Variants in USH2A observed in about 807,000 individuals in gnomAD.
USH2A encodes the protein Usher syndrome 2A (autosomal recessive, mild).
USH2A carries 443 observed loss-of-function variants against 538.9 expected under a neutral mutation model. That is an observed-to-expected ratio of 0.82 (90% CI 0.76 to 0.89). USH2A has a LOEUF of 0.89. USH2A is among the 40% of genes least tolerant of loss of function. The probability of loss-of-function intolerance (pLI) is 0.00; values close to 1 mark genes in which losing one functional copy is unlikely to be tolerated. For missense variants in USH2A, 6,633 were observed against 6,324.8 expected, an observed-to-expected ratio of 1.05 and a Z score of -1.65; for synonymous variants, 2,413 against 2,273.5, an observed-to-expected ratio of 1.06 and a Z score of -1.75.
rs753515909 is a variant in USH2A, at chr1:216,422,255, T to C, written c.82A>G (p.Ile28Val). ...AGACCTCGTGACTCAGTCAAGGATA[T>C]TGAAGCAAAATAGGCAAAGATCAAC... The part of the protein sequence containing the change: ...EMLIFAYFAS[I>V]SLTESRGLFP... The change falls in exon 2 of 72, where the codon ATA becomes GTA. Residue 28 changes from isoleucine (I) to valine (V), a missense_variant. Physicochemically the swap from Ile to Val is conservative, Grantham distance 29. Transcript: ENST00000307340. The C allele has an allele frequency of 5.6e-6, 9 of 1,613,532 alleles. No homozygotes were observed. In the Admixed American group the frequency reaches 1.0e-4, roughly 18 times the overall value.
intron 38 of USH2A, among the ~76,000 whole-genome samples, chr1:215,934,199 G>A (rs1228851319): frequency 6.6e-6 from 1 of 152,028 alleles, no homozygotes; most frequent in African/African-American, 2.4e-5. Flanking sequence ...GTATACAATT[G>A]AACTAGTTAT....
intron 55 of USH2A, among the ~76,000 whole-genome samples, chr1:215,771,414 A>G (rs1284992176): frequency 2.0e-5 from 3 of 150,440 alleles, no homozygotes; most frequent in Non-Finnish European, 4.4e-5. Flanking sequence ...CCCCGTCTCT[A>G]CTAAAAATAC....
At chr1:215,654,358 C>T (rs1350369816) in intron 64 of USH2A, among the ~76,000 whole-genome samples, 1 of 151,980 alleles carries the variant, frequency 6.6e-6, no homozygotes, top group Non-Finnish European at 1.5e-5. Context: ...TGTGATGTTC[C>T]CCTCCCTGTG....
intron 61 of USH2A, among the ~76,000 whole-genome samples, chr1:215,709,747 G>A (rs1659285771): frequency 1.3e-5 from 2 of 151,706 alleles, no homozygotes; most frequent in Admixed American, 6.6e-5. Context: ...TCATTGCCCA[G>A]ATGGCTCTTT....
rs2102816580 is a variant in USH2A, at chr1:215,838,027, T to C, written c.9335A>G (p.Asp3112Gly). The change falls in exon 47 of 72, where the codon GAT becomes GGT. Residue 3112 changes from aspartate (D) to glycine (G), a missense_variant. By Grantham distance (94) the Asp-to-Gly change is moderately conservative. Transcript: ENST00000307340. ...GCCACGAATTGTGGGTGTTGGTATA[T>C]CACTTGGAGTGTCTTCCACAGTGGT... Reference protein sequence around the residue: ...QITTVEDTPSDIPTPTIRGIT... With the variant: ...QITTVEDTPSGIPTPTIRGIT... 1 of 1,614,072 alleles carries C rather than the reference T, an allele frequency of 6.2e-7. No individual in the cohort carries two copies. The highest frequency in any genetic ancestry group is 8.5e-7 in the Non-Finnish European group (1 of 1,179,956).
intron 21 of USH2A, among the ~76,000 whole-genome samples, chr1:216,163,712 C>T (rs1048352205): frequency 5.9e-5 from 9 of 151,762 alleles, no homozygotes; most frequent in Non-Finnish European, 1.3e-4. Flanking sequence ...TAATGATTTG[C>T]TCTTCTAGGA....
At chr1:216,071,965 T>G (rs2102547746) in intron 29 of USH2A, among the ~76,000 whole-genome samples, 1 of 152,312 alleles carries the variant, frequency 6.6e-6, no homozygotes, top group South Asian at 2.1e-4. Flanking sequence ...TCTTGAAAAT[T>G]ATTCTTAGTT....
At chr1:215,658,153 T>A (rs1003327013) in intron 64 of USH2A, among the ~76,000 whole-genome samples, 2 of 152,006 alleles carry the variant, frequency 1.3e-5, no homozygotes, top group African/African-American at 4.8e-5. Context: ...GCCAGGATGG[T>A]CTCGATCTCC....
intron 25 of USH2A, among the ~76,000 whole-genome samples, chr1:216,084,159 G>A (rs944496213): frequency 1.3e-5 from 2 of 151,964 alleles, no homozygotes; most frequent in African/African-American, 4.8e-5. Flanking sequence ...ATGCATGTCA[G>A]GGGTAAGCTA....
chr1:215,792,826 C>T (rs1235868907), intron 50 of USH2A, among the ~76,000 whole-genome samples: 1 of 152,082 alleles, frequency 6.6e-6, no homozygotes, highest in African/African-American at 2.4e-5. Context: ...TTAAATATGC[C>T]CAAAGAAAAA....
chr1:216,307,023 G>A (rs957395639), intron 9 of USH2A, among the ~76,000 whole-genome samples: 3 of 151,996 alleles, frequency 2.0e-5, no homozygotes, highest in African/African-American at 7.3e-5. Flanking sequence ...CAGACAGGAG[G>A]TGGCGCTTTC....
intron 44 of USH2A, among the ~76,000 whole-genome samples, chr1:215,847,658 AAAG>A (rs1003598717): frequency 2.0e-5 from 3 of 152,024 alleles, no homozygotes; most frequent in African/African-American, 7.2e-5. Flanking sequence ...AAAAAAAAAA[AAAG>A]AAAAAAAGTT....
chr1:215,718,522 G>A (rs962667897), intron 61 of USH2A, among the ~76,000 whole-genome samples: 2 of 152,154 alleles, frequency 1.3e-5, no homozygotes, highest in African/African-American at 4.8e-5. Context: ...GCACTCACCT[G>A]CCGATGATCA....
At chr1:215,938,035 T>C (rs894865262) in intron 37 of USH2A, among the ~76,000 whole-genome samples, 1 of 152,102 alleles carries the variant, frequency 6.6e-6, no homozygotes, top group African/African-American at 2.4e-5. Flanking sequence ...TAATACATGG[T>C]AATTATATAA....
chr1:215,749,578 T>G (rs957607221), intron 58 of USH2A, among the ~76,000 whole-genome samples: 4 of 152,018 alleles, frequency 2.6e-5, no homozygotes, highest in African/African-American at 9.7e-5. Context: ...CTGCAATGAG[T>G]CTGAAATGAC....
chr1:216,095,355 T>A (rs1273722995), intron 22 of USH2A, among the ~76,000 whole-genome samples: 1 of 150,758 alleles, frequency 6.6e-6, no homozygotes, highest in African/African-American at 2.5e-5. Context: ...CTCTAATTAA[T>A]CTACTTAAAG....
chr1:215,947,344 C>T (rs748957017), intron 37 of USH2A, among the ~76,000 whole-genome samples: 4 of 152,150 alleles, frequency 2.6e-5, no homozygotes, highest in Admixed American at 6.6e-5. Context: ...GCACCAAGCC[C>T]TACTAAATTA....
Position 215,623,798 on chromosome 1 carries a change from G to A in USH2A, c.*1983C>T, listed in dbSNP as rs768332356. On this transcript the variant is annotated 3_prime_UTR_variant, in exon 72 of 72. Transcript: ENST00000307340. Reference sequence around the variant, plus strand: ...TATACTGTGCTTGGAAAAATACACAGTGATAAAGATACCTGGTTAATTTTT... The same window carrying A: ...TATACTGTGCTTGGAAAAATACACAATGATAAAGATACCTGGTTAATTTTT... 6.6e-6 allele frequency: 1 copy of A among 152,144 alleles called. No individual in the cohort carries two copies. The highest frequency in any genetic ancestry group is 2.1e-4 in the South Asian group (1 of 4,832). The allele number at this position is 152,144 out of a possible 1,614,324, so 9.4% of individuals were successfully genotyped here. A position where few individuals can be genotyped will look rare whatever the true frequency, so the allele number is the denominator to read the frequency against.
intron 61 of USH2A, among the ~76,000 whole-genome samples, chr1:215,681,362 C>T (rs897374990): frequency 1.3e-5 from 2 of 149,580 alleles, no homozygotes; most frequent in Admixed American, 6.7e-5. Context: ...CACACACTGG[C>T]ATTTTCTGTT....
Sources: allele counts gnomAD v4.1 joint callset (sites outside exome capture counted in the v4.1 genomes callset), GRCh38; gene constraint gnomAD v4.1.1; transcripts MANE v1.5; gene names NCBI Gene and HGNC (gene_info 2026-07-23, HGNC 2026-07-21).